The following PTPRT variants were observed in gnomAD, a reference collection of about 807,000 sequenced individuals.
The protein encoded by PTPRT is protein tyrosine phosphatase receptor type T.
In PTPRT, 56 loss-of-function variants were observed where a neutral mutation model predicts 176.8. The ratio of observed to expected loss-of-function variants is 0.32; its 90% CI spans 0.26 to 0.40. PTPRT has a LOEUF of 0.40. Ranked by LOEUF, PTPRT falls within the 10% of genes least tolerant of loss-of-function variation. The pLI is 1.00. For synonymous variants in PTPRT, 783 were observed against 739.0 expected (o/e 1.06, Z -0.96); for missense variants, 1,540 against 1,908.2 (o/e 0.81, Z 3.60).
At chr20:42,445,739 A>C (rs1293655464) in intron 9 of PTPRT, among the ~76,000 whole-genome samples, 2 of 152,186 alleles carry the variant, frequency 1.3e-5, no homozygotes, top group African/African-American at 4.8e-5. Flanking sequence ...CTTTCATCAT[A>C]GTTGTCTCCC....
chr20:43,081,012 T>C lies in PTPRT; in HGVS notation c.88+108634A>G, dbSNP rs936475461. On this transcript the variant is annotated intron_variant, in intron 1 of 30. Transcript: ENST00000373187. ...CTTCAGGGATAAATCCAGTGATATA[T>C]GATTTTTTAATACGATGTTAGATTT... Among the ~76,000 whole-genome samples the C allele has an allele frequency of 3.6e-4, 55 of 152,244 alleles. 1 individual carries two copies. Among genetic ancestry groups the C allele is most frequent in the Non-Finnish European group, 7.8e-4 (53 of 68,044 alleles).
intron 1 of PTPRT, among the ~76,000 whole-genome samples, chr20:42,912,671 T>C (rs1978476662): frequency 6.6e-6 from 1 of 152,188 alleles, no homozygotes; most frequent in Non-Finnish European, 1.5e-5. Context: ...TATGAATACA[T>C]TTAAATATTG....
chr20:43,154,076 G>A (rs554592671), intron 1 of PTPRT, among the ~76,000 whole-genome samples: 23 of 152,198 alleles, frequency 1.5e-4, no homozygotes, highest in Non-Finnish European at 2.6e-4. Context: ...GTCCTTACAG[G>A]TGAGGTATTC....
intron 9 of PTPRT, among the ~76,000 whole-genome samples, chr20:42,429,998 T>C (rs1233092213): frequency 6.6e-6 from 1 of 152,200 alleles, no homozygotes; most frequent in Non-Finnish European, 1.5e-5. Flanking sequence ...TTGGCCAAGT[T>C]AAAGAGGAGG....
intron 5 of PTPRT, among the ~76,000 whole-genome samples, chr20:42,766,526 A>G (rs1368077539): frequency 6.6e-6 from 1 of 152,174 alleles, no homozygotes; most frequent in Non-Finnish European, 1.5e-5. Flanking sequence ...GGATCTTCTA[A>G]AGACATATAA....
In PTPRT at chr20:42,942,025, G is replaced by A. The variant is rs186867196; in HGVS notation, c.89-56093C>T. On this transcript the variant is annotated intron_variant, in intron 1 of 30. Coordinates refer to ENST00000373187, the MANE Select transcript of PTPRT (RefSeq NM_007050.6). ...AAAGCAAAATGCAACTCTTTACAAG[G>A]GATAGGGGTAGGAGAAAAGGGTTGA... Among the ~76,000 whole-genome samples the A allele has an allele frequency of 2.7e-3, 418 of 152,178 alleles. 1 individual carries two copies. Among genetic ancestry groups the A allele is most frequent in the Non-Finnish European group, 4.4e-3 (300 of 68,004 alleles).
At chr20:42,328,814 T>A (rs1019292435) in intron 11 of PTPRT, among the ~76,000 whole-genome samples, 2 of 152,052 alleles carry the variant, frequency 1.3e-5, no homozygotes, top group South Asian at 4.1e-4. Context: ...CAACAAAACA[T>A]AAAACCAAAA....
chr20:43,149,522 G>C (rs935112003), intron 1 of PTPRT, among the ~76,000 whole-genome samples: 9 of 152,238 alleles, frequency 5.9e-5, no homozygotes, highest in African/African-American at 2.2e-4. Flanking sequence ...GCCTATTTAA[G>C]AGTGAAAGAG....
intron 7 of PTPRT, among the ~76,000 whole-genome samples, chr20:42,601,083 G>A (rs1166493968): frequency 6.6e-6 from 1 of 152,140 alleles, no homozygotes; most frequent in Non-Finnish European, 1.5e-5. Flanking sequence ...TCAGTACCAT[G>A]CTCAGCTCCA....
At chr20:42,956,121 CA>C (rs1981617650) in intron 1 of PTPRT, among the ~76,000 whole-genome samples, 1 of 152,186 alleles carries the variant, frequency 6.6e-6, no homozygotes, top group African/African-American at 2.4e-5. Context: ...CTCCTCCATG[CA>C]GTCGTTGGAA....
At position 43,106,846 on chromosome 20, in the gene PTPRT, A is replaced by G. The variant is rs961196122; in HGVS notation, c.88+82800T>C. Reference sequence around the variant, plus strand: ...GCTCTTGTTGCCTAGGCTAGAGTGCAATGGCATGATCTTCACTCACCACAA... The same window carrying G: ...GCTCTTGTTGCCTAGGCTAGAGTGCGATGGCATGATCTTCACTCACCACAA... On this transcript the variant is annotated intron_variant, in intron 1 of 30. Coordinates refer to ENST00000373187, the MANE Select transcript of PTPRT (RefSeq NM_007050.6). 6.8e-4 allele frequency among the ~76,000 whole-genome samples: 104 copies of G among 152,044 alleles called. 1 individual carries two copies. Among genetic ancestry groups the G allele is most frequent in the African/African-American group, 2.5e-3 (102 of 41,478 alleles).
At chr20:43,002,486 T>A (rs937110943) in intron 1 of PTPRT, among the ~76,000 whole-genome samples, 1 of 152,072 alleles carries the variant, frequency 6.6e-6, no homozygotes, top group African/African-American at 2.4e-5. Context: ...CAACCAAAAT[T>A]AAACAACCAA....
intron 1 of PTPRT, among the ~76,000 whole-genome samples, chr20:42,986,057 T>C (rs974329144): frequency 2.6e-5 from 4 of 152,220 alleles, no homozygotes. Context: ...ATCATTTCAT[T>C]CATCTCTATC....
chr20:43,180,454 A>G (rs888636403), intron 1 of PTPRT, among the ~76,000 whole-genome samples: 10 of 123,336 alleles, frequency 8.1e-5, no homozygotes, highest in Non-Finnish European at 9.4e-5. Context: ...AGGGATATAT[A>G]TATATATACA....
intron 6 of PTPRT, among the ~76,000 whole-genome samples, chr20:42,752,511 C>G (rs2076782034): frequency 6.6e-6 from 1 of 152,172 alleles, no homozygotes; most frequent in Non-Finnish European, 1.5e-5. Flanking sequence ...AGGGTGGGAA[C>G]CTGTGAGGAG....
intron 1 of PTPRT, among the ~76,000 whole-genome samples, chr20:43,071,941 A>T (rs920467481): frequency 5.9e-5 from 9 of 152,240 alleles, no homozygotes; most frequent in African/African-American, 2.2e-4. Context: ...ATTGTTTTCC[A>T]TTGGTTTGCA....
At chr20:42,756,889 G>T (rs925324328) in intron 5 of PTPRT, among the ~76,000 whole-genome samples, 4 of 151,862 alleles carry the variant, frequency 2.6e-5, no homozygotes, top group African/African-American at 9.7e-5. Flanking sequence ...GCCTCTACAA[G>T]AAATTTTAAA....
At chr20:42,642,638 A>T (rs1025855269) in intron 7 of PTPRT, among the ~76,000 whole-genome samples, 16 of 152,154 alleles carry the variant, frequency 1.1e-4, no homozygotes, top group African/African-American at 3.9e-4. Context: ...TGAGGTACCC[A>T]GTGAGTGGTA....
At chr20:42,088,459 C>A (rs1391846390) in intron 27 of PTPRT, among the ~76,000 whole-genome samples, 1 of 152,182 alleles carries the variant, frequency 6.6e-6, no homozygotes, top group Non-Finnish European at 1.5e-5. Flanking sequence ...CTCCTTCCTC[C>A]AGAACTAGAA....
Sources: allele counts gnomAD v4.1 joint callset (sites outside exome capture counted in the v4.1 genomes callset), GRCh38; gene constraint gnomAD v4.1.1; transcripts MANE v1.5; gene names NCBI Gene and HGNC (gene_info 2026-07-23, HGNC 2026-07-21).